FHOD3: variants seen among roughly 807,000 people sequenced by gnomAD.
FHOD3 encodes the protein formin homology 2 domain containing 3.
FHOD3 carries 90 observed loss-of-function variants against 173.0 expected under a neutral mutation model. That is an observed-to-expected ratio of 0.52 (90% confidence interval 0.44 to 0.62). The LOEUF (loss-of-function observed/expected upper bound fraction) is 0.62, where lower values mean the gene tolerates loss of function less well. FHOD3 is among the 20% of genes least tolerant of loss of function. The pLI is 0.00. For missense variants in FHOD3, 1,945 were observed against 2,034.7 expected (o/e 0.96, Z 0.85); for synonymous variants, 828 against 823.0 (o/e 1.01, Z -0.10).
At chr18:36,317,229 G>GTA in intron 1 of FHOD3, among the ~76,000 whole-genome samples, 1 of 152,262 alleles carries the variant, frequency 6.6e-6, no homozygotes, top group Non-Finnish European at 1.5e-5. Flanking sequence ...AATCCTTTGG[G>GTA]TATATACCCA....
chr18:36,686,824 T>C (rs985438623), intron 15 of FHOD3, among the ~76,000 whole-genome samples: 1 of 152,182 alleles, frequency 6.6e-6, no homozygotes, highest in Non-Finnish European at 1.5e-5. Context: ...ATTTATGGAT[T>C]TTTTAAAAAC....
intron 7 of FHOD3, 128 bp downstream of exon 7, chr18:36,595,026 A>G: frequency 1.6e-6 from 1 of 615,852 alleles, no homozygotes. Context: ...TTCCCACTGC[A>G]AGAAACGTTT....
At chr18:36,491,981 G>C (rs897589503) in intron 3 of FHOD3, among the ~76,000 whole-genome samples, 5 of 152,148 alleles carry the variant, frequency 3.3e-5, no homozygotes, top group African/African-American at 9.7e-5. Flanking sequence ...AAACATGGTA[G>C]AGTAGGGCTA....
Position 36,755,222 on chromosome 18 carries a change from C to G in FHOD3, c.4336C>G (p.Arg1446Gly). Residue 1446 changes from arginine to glycine, a missense_variant, in exon 25 of 29, where the codon CGC becomes GGC. Physicochemically the swap from Arg to Gly is moderately radical, Grantham distance 125 (BLOSUM62 -2). This residue lies in a region of FHOD3 where 354 missense variants were observed against 359.9 expected (regional missense o/e 0.98). Transcript: ENST00000590592. Reference sequence around the variant, plus strand: ...TATTAGTGAATTTGCACTAGAGTATCGCACAACCAGGGAAAGGGTTTTGCA... The same window carrying G: ...TATTAGTGAATTTGCACTAGAGTATGGCACAACCAGGGAAAGGGTTTTGCA... ...RIISEFALEY[R>G]TTRERVLQQK... 1 of 1,612,344 alleles carries G rather than the reference C, an allele frequency of 6.2e-7. No individual in the cohort carries two copies. Among genetic ancestry groups the G allele is most frequent in the South Asian group, 1.1e-5 (1 of 90,906 alleles).
intron 19 of FHOD3, among the ~76,000 whole-genome samples, chr18:36,729,691 G>A (rs557686792): frequency 1.7e-4 from 26 of 152,234 alleles, no homozygotes; most frequent in African/African-American, 6.3e-4. Context: ...TCCCACCCTC[G>A]TGACCTCATC....
chr18:36,499,942 T>C (rs1222647743), intron 3 of FHOD3, among the ~76,000 whole-genome samples: 1 of 152,202 alleles, frequency 6.6e-6, no homozygotes, highest in Non-Finnish European at 1.5e-5. Context: ...CAGGGAATCT[T>C]TGGAGTCACA....
intron 3 of FHOD3, among the ~76,000 whole-genome samples, chr18:36,448,659 G>T (rs770731455): frequency 1.3e-5 from 2 of 152,122 alleles, no homozygotes; most frequent in Non-Finnish European, 2.9e-5. Flanking sequence ...TGGGGGACAG[G>T]ACCTCAAATT....
intron 20 of FHOD3, among the ~76,000 whole-genome samples, chr18:36,731,006 C>G (rs528665491): frequency 6.6e-6 from 1 of 152,158 alleles, no homozygotes; most frequent in Non-Finnish European, 1.5e-5. Context: ...AATCTTCACT[C>G]AGGTTCATTT....
intron 9 of FHOD3, among the ~76,000 whole-genome samples, chr18:36,622,943 G>T (rs759186454): frequency 1.1e-4 from 16 of 152,256 alleles, no homozygotes; most frequent in South Asian, 4.2e-4. Flanking sequence ...CCAATTTCTT[G>T]TTATGTTGTC....
intron 3 of FHOD3, among the ~76,000 whole-genome samples, chr18:36,387,149 G>C (rs899917664): frequency 6.6e-6 from 1 of 152,156 alleles, no homozygotes; most frequent in African/African-American, 2.4e-5. Context: ...CAGACTGTGG[G>C]CAGAAGGTGT....
chr18:36,402,934 C>T (rs1369614984), intron 3 of FHOD3, among the ~76,000 whole-genome samples: 1 of 152,206 alleles, frequency 6.6e-6, no homozygotes, highest in Non-Finnish European at 1.5e-5. Context: ...CTGTGGCCAA[C>T]GGTGACGCAA....
intron 4 of FHOD3, among the ~76,000 whole-genome samples, chr18:36,508,849 A>G (rs1276702606): frequency 2.0e-5 from 3 of 152,206 alleles, no homozygotes; most frequent in African/African-American, 7.2e-5. Context: ...ATTACCATCC[A>G]TCAGCCTCTA....
intron 2 of FHOD3, among the ~76,000 whole-genome samples, chr18:36,359,001 C>T (rs1568168176): frequency 6.6e-6 from 1 of 152,118 alleles, no homozygotes; most frequent in Non-Finnish European, 1.5e-5. Context: ...TAGGTTCTCT[C>T]CTAGATGTGT....
chr18:36,404,480 A>G (rs780134648), intron 3 of FHOD3, among the ~76,000 whole-genome samples: 1 of 152,196 alleles, frequency 6.6e-6, no homozygotes. Flanking sequence ...AGTTGTTGCT[A>G]TTGTAGAATA....
chr18:36,681,279 A>T (rs1390874039), intron 14 of FHOD3, among the ~76,000 whole-genome samples, 157 bp from the exon 15 acceptor site: 1 of 152,170 alleles, frequency 6.6e-6, no homozygotes, highest in Non-Finnish European at 1.5e-5. Context: ...ACAGACAAAA[A>T]TCTGAAACAA....
intron 5 of FHOD3, among the ~76,000 whole-genome samples, chr18:36,537,247 C>T (rs1000492094): frequency 2.0e-5 from 3 of 152,218 alleles, no homozygotes; most frequent in Non-Finnish European, 2.9e-5. Flanking sequence ...CATCCTGTCA[C>T]TCTGTTGCTG....
chr18:36,513,073 G>A (rs1330320704), intron 5 of FHOD3, among the ~76,000 whole-genome samples: 1 of 151,938 alleles, frequency 6.6e-6, no homozygotes, highest in East Asian at 1.9e-4. Context: ...ATAAAGCGAT[G>A]CAAATGTAGA....
chr18:36,621,406 G>T (rs1324546589), intron 9 of FHOD3, among the ~76,000 whole-genome samples: 1 of 152,160 alleles, frequency 6.6e-6, no homozygotes, highest in Non-Finnish European at 1.5e-5. Context: ...GATGTTTTGG[G>T]TTAGGAATTT....
At chr18:36,698,832 A>G (rs1294935222) in intron 17 of FHOD3, among the ~76,000 whole-genome samples, 1 of 152,222 alleles carries the variant, frequency 6.6e-6, no homozygotes, top group Non-Finnish European at 1.5e-5. Context: ...CATTTCCCCA[A>G]GCCTCAGTTC....
Sources: gnomAD v4.1 joint callset for allele counts (sites outside exome capture counted in the v4.1 genomes callset) on GRCh38, gnomAD v4.1.1 for gene constraint, gnomAD v4.1.1 regional missense constraint, MANE v1.5 for transcripts, NCBI Gene and HGNC (gene_info 2026-07-23, HGNC 2026-07-21) for gene names.